TGM3: variants seen among roughly 807,000 people sequenced by gnomAD.
TGM3 encodes transglutaminase 3, also known as protein-glutamine gamma-glutamyltransferase E.
A neutral mutation model predicts 73.8 loss-of-function variants in TGM3; 52 were observed. The observed-to-expected ratio is 0.70, with a 90% confidence interval of 0.56 to 0.89. The LOEUF is 0.89. Among genes scored for constraint, TGM3 ranks in the 40% least tolerant of loss-of-function variants. TGM3 has a pLI of 0.00. For missense variants in TGM3, 928 were observed against 909.9 expected (o/e 1.02, Z -0.26); for synonymous variants, 372 against 354.9 (o/e 1.05, Z -0.54).
At chr20:2,338,077 C>A (rs214827) in intron 11 of TGM3, among the ~76,000 whole-genome samples, 6 of 152,084 alleles carry the variant, frequency 3.9e-5, no homozygotes, top group East Asian at 3.9e-4. Flanking sequence ...AGCAGGGCAC[C>A]GATTTTTAAA....
intron 12 of TGM3, 135 bp downstream of exon 12, chr20:2,340,122 G>GA: frequency 8.6e-7 from 1 of 1,162,064 alleles, no homozygotes; most frequent in Non-Finnish European, 1.2e-6. Flanking sequence ...TGGAACTCTA[G>GA]AATCTGCTTT....
chr20:2,327,404 G>A (rs2084294154), intron 8 of TGM3, among the ~76,000 whole-genome samples: 1 of 152,188 alleles, frequency 6.6e-6, no homozygotes, highest in South Asian at 2.1e-4. Context: ...GTGAACCCGG[G>A]AGGCGGAGCT....
Position 2,312,944 on chromosome 20 carries a change from G to T in TGM3, c.587G>T (p.Ser196Ile). The change falls in exon 5 of 13, where the codon AGT becomes ATT. Residue 196 changes from serine to isoleucine, a missense_variant. Coordinates refer to ENST00000381458, the MANE Select transcript of TGM3 (RefSeq NM_003245.4). ...ATCTGCCTCTCAATCTTGGATAGGA[G>T]TCTGAATTTCCGCCGTGACGCTGCT... The part of the protein sequence containing the change: ...LSICLSILDR[S>I]LNFRRDAATD... The T allele has an allele frequency of 1.2e-6, 2 of 1,614,218 alleles. No individual in the cohort carries two copies. The highest frequency in any genetic ancestry group is 1.7e-6 in the Non-Finnish European group (2 of 1,180,042).
Position 2,340,595 on chromosome 20 carries a change from C to A in TGM3, c.*14C>A. On this transcript the variant is annotated 3_prime_UTR_variant, in exon 13 of 13. Coordinates refer to ENST00000381458, the MANE Select transcript of TGM3 (RefSeq NM_003245.4). The stretch of plus-strand genomic sequence containing the variant: ...GTAGCCGAATGAAGGGCGCTGGTGG[C>A]CTCCCGTACAAACTTGGACAACACG... 3 of 1,614,120 alleles carry A rather than the reference C, an allele frequency of 1.9e-6. No individual in the cohort carries two copies. The highest frequency in any genetic ancestry group is 2.5e-6 in the Non-Finnish European group (3 of 1,179,994).
At chr20:2,310,098 G>A (rs867229466) in intron 2 of TGM3, 80 bp from the exon 3 acceptor site, 32 of 1,577,190 alleles carry the variant, frequency 2.0e-5, no homozygotes, top group Non-Finnish European at 2.4e-5. Context: ...GTCCCCCAGA[G>A]GGGGGTTGTA....
intron 12 of TGM3, among the ~76,000 whole-genome samples, 191 bp from the exon 13 acceptor site, chr20:2,340,243 C>T (rs146408106): frequency 3.3e-5 from 5 of 152,192 alleles, no homozygotes; most frequent in Non-Finnish European, 5.9e-5. Context: ...GGGACCCCCC[C>T]CTCCTGCTTC....
chr20:2,310,747 A>G (rs1429367722), intron 3 of TGM3, among the ~76,000 whole-genome samples: 1 of 152,226 alleles, frequency 6.6e-6, no homozygotes, highest in African/African-American at 2.4e-5. Context: ...ATTCCACAGC[A>G]TGGAGATAGC....
Position 2,325,957 on chromosome 20 carries a change from C to G in TGM3, c.1087+5C>G, listed in dbSNP as rs776643989. On this transcript the variant is annotated splice_donor_5th_base_variant and intron_variant, in intron 8 of 12. Coordinates refer to ENST00000381458, the MANE Select transcript of TGM3 (RefSeq NM_003245.4). Reference sequence around the variant, plus strand: ...CCCCGCAGGAAAGAAGCCAAGGTAACTTCTCTGGGTGTGGTTCTGAGTCGT... The same window carrying G: ...CCCCGCAGGAAAGAAGCCAAGGTAAGTTCTCTGGGTGTGGTTCTGAGTCGT... The G allele has an allele frequency of 3.8e-6, 6 of 1,586,294 alleles. No homozygotes were observed. In the South Asian group the frequency reaches 5.7e-5, roughly 15 times the overall value.
In TGM3 at chr20:2,310,451, G is replaced by A. The variant is rs779688765; in HGVS notation, c.421+34G>A. 34 of 1,605,908 alleles carry A rather than the reference G, an allele frequency of 2.1e-5. No homozygotes were observed. The South Asian group carries it at 3.6e-4, about 17-fold the overall frequency. On this transcript the variant is annotated intron_variant, in intron 3 of 12. Coordinates refer to ENST00000381458, the MANE Select transcript of TGM3 (RefSeq NM_003245.4). ...CTAGCCACCCACACTCTCAGCCCTG[G>A]CCTAAGCTAGAAAAGAAAAAGGGGA... is the stretch of plus-strand genomic sequence containing the variant.
At chr20:2,311,699 G>A (rs1482126672) in intron 4 of TGM3, among the ~76,000 whole-genome samples, 1 of 152,170 alleles carries the variant, frequency 6.6e-6, no homozygotes, top group African/African-American at 2.4e-5. Context: ...GGGTGCCTTG[G>A]ATATCAGAAA....
At chr20:2,324,195 A>G (rs1423351682) in intron 7 of TGM3, among the ~76,000 whole-genome samples, 1 of 152,016 alleles carries the variant, frequency 6.6e-6, no homozygotes, top group Non-Finnish European at 1.5e-5. Flanking sequence ...TGCTTTTTCC[A>G]GTTAAAATTT....
Position 2,316,999 on chromosome 20 carries a change from T to A in TGM3, c.670-69T>A, listed in dbSNP as rs2084236899. The A allele has an allele frequency of 3.2e-6, 5 of 1,561,086 alleles. No homozygotes were observed. In the Admixed American group the frequency reaches 5.1e-5, roughly 16 times the overall value. ...TCATCTCCCCACCTTGTCCTCTGAA[T>A]TCTGCATGTCAGTCTCCCTAGGAAA... On this transcript the variant is annotated intron_variant, in intron 5 of 12. Transcript: ENST00000381458.
chr20:2,308,430 GT>G lies in TGM3; in HGVS notation c.8-1224del, dbSNP rs1274034843. 7.2e-5 allele frequency among the ~76,000 whole-genome samples: 11 copies of G among 152,256 alleles called. No homozygotes were observed. In the East Asian group the frequency reaches 2.1e-3, roughly 29 times the overall value. Reference sequence around the variant, plus strand: ...AACTCATAGGAAGATTTCCCAAAAAGTTTATATCAGCGAACACCTGGTACAT... The same window carrying G: ...AACTCATAGGAAGATTTCCCAAAAAGTTATATCAGCGAACACCTGGTACAT... On this transcript the variant is annotated intron_variant, in intron 1 of 12. Transcript: ENST00000381458.
intron 11 of TGM3, 147 bp from the exon 12 acceptor site, chr20:2,339,707 T>A: frequency 9.7e-7 from 1 of 1,035,172 alleles, no homozygotes; most frequent in Non-Finnish European, 1.4e-6. Context: ...ACAATGTGCC[T>A]GGCACCTAGG....
At chr20:2,317,001 C>T (rs1404068200) in intron 5 of TGM3, 67 bp from the exon 6 acceptor site, 2 of 1,566,030 alleles carry the variant, frequency 1.3e-6, no homozygotes, top group East Asian at 4.5e-5. Context: ...CCTCTGAATT[C>T]TGCATGTCAG....
In TGM3 at chr20:2,310,090, C is replaced by T. The variant is rs2084195173; in HGVS notation, c.182-88C>T. On this transcript the variant is annotated intron_variant, in intron 2 of 12. Coordinates refer to ENST00000381458, the MANE Select transcript of TGM3 (RefSeq NM_003245.4). ...AATATGGCGCTTCATTGGCTCATGT[C>T]CCCCAGAGGGGGGTTGTATTGGAAC... The T allele has an allele frequency of 2.0e-5, 32 of 1,561,508 alleles. 2 individuals carry two copies. The South Asian group carries it at 3.8e-4, about 18-fold the overall frequency.
chr20:2,331,022 A>G (rs913434678), intron 9 of TGM3, among the ~76,000 whole-genome samples: 2 of 151,214 alleles, frequency 1.3e-5, no homozygotes, highest in Non-Finnish European at 2.9e-5. Context: ...AAAAAAAAAA[A>G]AAAAAGAGAG....
At chr20:2,308,731 C>A (rs988228720) in intron 1 of TGM3, among the ~76,000 whole-genome samples, 1 of 152,182 alleles carries the variant, frequency 6.6e-6, no homozygotes, top group African/African-American at 2.4e-5. Context: ...CGAGGCATTG[C>A]AAATACAGGG....
chr20:2,314,015 A>C (rs958084096), intron 5 of TGM3, among the ~76,000 whole-genome samples: 79 of 152,160 alleles, frequency 5.2e-4, no homozygotes, highest in African/African-American at 1.2e-3. Context: ...CAACAACAAA[A>C]AAAAATTAGC....
Sources: allele counts gnomAD v4.1 joint callset (sites outside exome capture counted in the v4.1 genomes callset), GRCh38; gene constraint gnomAD v4.1.1; transcripts MANE v1.5; gene names NCBI Gene and HGNC (gene_info 2026-07-23, HGNC 2026-07-21).